The following FASTKD2 variants were observed in gnomAD, a reference collection of about 807,000 sequenced individuals.
FASTKD2 encodes the protein FAST kinase domains 2, also known as FAST kinase domain-containing protein 2, mitochondrial.
Under a neutral mutation model 63.6 loss-of-function variants are expected in FASTKD2, and 51 were observed. The ratio of observed to expected loss-of-function variants is 0.80; its 90% CI spans 0.64 to 1.01. The LOEUF is 1.01. Ranked by LOEUF, FASTKD2 falls within the 50% of genes least tolerant of loss-of-function variation. The pLI is 0.00. For synonymous variants in FASTKD2, 284 were observed against 293.4 expected (o/e 0.97, Z 0.33); for missense variants, 786 against 831.1 (o/e 0.95, Z 0.67).
At chr2:206,785,224 C>T (rs529721283) in intron 7 of FASTKD2, among the ~76,000 whole-genome samples, 3 of 152,234 alleles carry the variant, frequency 2.0e-5, no homozygotes, top group Admixed American at 2.0e-4. Flanking sequence ...GGGTCCCTCA[C>T]AACACAAGGG....
chr2:206,768,200 T>G (rs1689577228), intron 2 of FASTKD2, among the ~76,000 whole-genome samples: 1 of 152,218 alleles, frequency 6.6e-6, no homozygotes, highest in South Asian at 2.1e-4. Flanking sequence ...TGCTCAAATT[T>G]GTATTTTAGA....
In FASTKD2 at chr2:206,770,081, AT is replaced by A. The variant is rs758161404; in HGVS notation, c.778-7del. On this transcript the variant is annotated splice_polypyrimidine_tract_variant and intron_variant, in intron 2 of 11. Coordinates refer to ENST00000402774, the MANE Select transcript of FASTKD2 (RefSeq NM_001136193.2). ...TCACCTGTAGTGTTTTTGTAATTATATTTCAATAGGAACGTATCAATGAGTG... is the reference window on the plus strand; with the variant it reads ...TCACCTGTAGTGTTTTTGTAATTATATTCAATAGGAACGTATCAATGAGTG... 9.0e-6 allele frequency: 14 copies of A among 1,563,010 alleles called. No homozygotes were observed. Among genetic ancestry groups the A allele is most frequent in the Non-Finnish European group, 1.1e-5 (13 of 1,133,684 alleles).
rs1404373305 is a variant in FASTKD2, at chr2:206,794,547, A to G, written c.*2745A>G. On this transcript the variant is annotated 3_prime_UTR_variant, in exon 12 of 12. Coordinates refer to ENST00000402774, the MANE Select transcript of FASTKD2 (RefSeq NM_001136193.2). The stretch of plus-strand genomic sequence containing the variant: ...GGTACAGGCTACTGTGCCCAGCTCA[A>G]TTCTTGATTGAGACATTTACCAGCT... 6.6e-6 allele frequency among the ~76,000 whole-genome samples: 1 copy of G among 152,150 alleles called. No homozygotes were observed. Among genetic ancestry groups the G allele is most frequent in the East Asian group, 1.9e-4 (1 of 5,196 alleles).
At chr2:206,787,016 C>G in intron 8 of FASTKD2, 117 bp downstream of exon 8, 1 of 705,328 alleles carries the variant, frequency 1.4e-6, no homozygotes, top group East Asian at 2.6e-5. Context: ...ATTTGCAGAG[C>G]AGGTGTTGCT....
chr2:206,766,755 C>T lies in FASTKD2; in HGVS notation c.62C>T (p.Ala21Val), dbSNP rs549677418. The T allele has an allele frequency of 1.9e-5, 31 of 1,613,782 alleles. No homozygotes were observed. Among genetic ancestry groups the T allele is most frequent in the Middle Eastern group, 1.7e-4 (1 of 6,060 alleles). ...VSVESKMNNK[A>V]GSFFWNLRQF... is the part of the protein sequence containing the mutation. Reference sequence around the variant, plus strand: ...GTGGAGAGCAAAATGAATAACAAAGCGGGCTCCTTTTTCTGGAACCTTAGA... The same window carrying T: ...GTGGAGAGCAAAATGAATAACAAAGTGGGCTCCTTTTTCTGGAACCTTAGA... Residue 21 changes from alanine (A) to valine (V), a missense_variant, in exon 2 of 12, where the codon GCG becomes GTG. Ala to Val is a moderately conservative substitution (Grantham distance 64). Transcript: ENST00000402774.
rs370685987 is a variant in FASTKD2, at chr2:206,788,063, C to A, written c.1721C>A (p.Thr574Lys). 1 of 1,613,850 alleles carries A rather than the reference C, an allele frequency of 6.2e-7. No homozygotes were observed. The highest frequency in any genetic ancestry group is 8.5e-7 in the Non-Finnish European group (1 of 1,179,818). ...QLPRELPSSH[T>K]NAKVAEVLSS... ...CCGCGGGAGCTGCCATCGTCACATA[C>A]AAATGCAAAGGTGGCAGAGGTGCTG... Residue 574 changes from threonine (T) to lysine (K), a missense_variant, in exon 9 of 12, where the codon ACA (threonine) becomes AAA (lysine). Transcript: ENST00000402774.
chr2:206,777,326 AC>A (rs1283406932), intron 7 of FASTKD2, among the ~76,000 whole-genome samples: 1 of 152,008 alleles, frequency 6.6e-6, no homozygotes, highest in Non-Finnish European at 1.5e-5. Flanking sequence ...ATATGGTCTT[AC>A]TTACGGTGAG....
intron 8 of FASTKD2, among the ~76,000 whole-genome samples, chr2:206,787,536 A>G (rs1690167904): frequency 6.6e-6 from 1 of 152,218 alleles, no homozygotes; most frequent in African/African-American, 2.4e-5. Flanking sequence ...GTAGAGAGTC[A>G]GTCAATAATA....
At position 206,774,209 on chromosome 2, in the gene FASTKD2, A is replaced by G. The variant is rs757982614; in HGVS notation, c.1255-16A>G. 4 of 1,584,972 alleles carry G rather than the reference A, an allele frequency of 2.5e-6. No homozygotes were observed. The highest frequency in any genetic ancestry group is 1.3e-5 in the African/African-American group (1 of 74,422). ...GTAATTATTATAGAGTTTTCCCTCA[A>G]TTTTCTCTTTTTAAGGTTCTTTTTA... is the stretch of plus-strand genomic sequence containing the variant. On this transcript the variant is annotated splice_polypyrimidine_tract_variant and intron_variant, in intron 6 of 11. Transcript: ENST00000402774.
At chr2:206,775,910 T>TG (rs1337902214) in intron 7 of FASTKD2, among the ~76,000 whole-genome samples, 2 of 151,954 alleles carry the variant, frequency 1.3e-5, no homozygotes, top group Non-Finnish European at 2.9e-5. Context: ...TGTTTTGTTT[T>TG]TTTGATAATG....
intron 7 of FASTKD2, among the ~76,000 whole-genome samples, chr2:206,781,298 TC>T (rs1689965769): frequency 6.9e-6 from 1 of 145,454 alleles, no homozygotes; most frequent in East Asian, 2.1e-4. Context: ...TTAAACTTTT[TC>T]TATGATTTTT....
At chr2:206,788,208 T>C in intron 9 of FASTKD2, 53 bp downstream of exon 9, 1 of 1,319,966 alleles carries the variant, frequency 7.6e-7, no homozygotes. Flanking sequence ...TTTTCCTTTT[T>C]TTCTGACCAA....
At chr2:206,790,172 G>A (rs546853325) in intron 10 of FASTKD2, 102 of 159,546 alleles carry the variant, frequency 6.4e-4, no homozygotes, top group African/African-American at 2.4e-3. Context: ...TCTGGGAGAT[G>A]ATATGTGTAA....
chr2:206,785,997 A>G (rs554903306), intron 7 of FASTKD2, among the ~76,000 whole-genome samples: 148 of 152,114 alleles, frequency 9.7e-4, no homozygotes, highest in Admixed American at 3.2e-3. Flanking sequence ...CACTTATTCA[A>G]ATTCTCCTCC....
At chr2:206,768,577 G>T (rs1359285416) in intron 2 of FASTKD2, among the ~76,000 whole-genome samples, 1 of 152,146 alleles carries the variant, frequency 6.6e-6, no homozygotes, top group Non-Finnish European at 1.5e-5. Flanking sequence ...GTACTTGCCT[G>T]TGGTCCCAGC....
Position 206,774,406 on chromosome 2 carries a change from T to C in FASTKD2, c.1427+9T>C. On this transcript the variant is annotated intron_variant, in intron 7 of 11. Transcript: ENST00000402774. ...AAATGCCAGAACAAAGAGTATGTAC[T>C]TGTTTTTTTTTACCTTTTTTATTGC... is the stretch of plus-strand genomic sequence containing the variant. The C allele has an allele frequency of 5.8e-6, 9 of 1,565,148 alleles. No individual in the cohort carries two copies. Among genetic ancestry groups the C allele is most frequent in the Non-Finnish European group, 7.9e-6 (9 of 1,140,594 alleles).
chr2:206,771,450 T>C lies in FASTKD2; in HGVS notation c.990+160T>C, dbSNP rs556911533. On this transcript the variant is annotated intron_variant, in intron 4 of 11. Coordinates refer to ENST00000402774, the MANE Select transcript of FASTKD2 (RefSeq NM_001136193.2). Reference sequence around the variant, plus strand: ...AGAAGTACCCTTATATTTATTTATCTGTATATATATACATGTATATTTATT... The same window carrying C: ...AGAAGTACCCTTATATTTATTTATCCGTATATATATACATGTATATTTATT... Among the ~76,000 whole-genome samples, 73 of 152,196 alleles carry C rather than the reference T, an allele frequency of 4.8e-4. 1 individual carries two copies. The South Asian group carries it at 0.015, about 31-fold the overall frequency.
Position 206,793,164 on chromosome 2 carries a change from G to A in FASTKD2, c.*1362G>A, listed in dbSNP as rs1205015142. ...TTGAACCCGGGAGGTGGAGATTGCAGTGAGCCAAGATGGTCCTGCTGCACT... is the reference window on the plus strand; with the variant it reads ...TTGAACCCGGGAGGTGGAGATTGCAATGAGCCAAGATGGTCCTGCTGCACT... On this transcript the variant is annotated 3_prime_UTR_variant, in exon 12 of 12. Coordinates refer to ENST00000402774, the MANE Select transcript of FASTKD2 (RefSeq NM_001136193.2). Among the ~76,000 whole-genome samples, 1 of 135,858 alleles carries A rather than the reference G, an allele frequency of 7.4e-6. No individual in the cohort carries two copies. Among genetic ancestry groups the A allele is most frequent in the Admixed American group, 8.4e-5 (1 of 11,964 alleles). 89.1% of individuals were successfully genotyped at this position (135,858 alleles called of 152,430 possible).
At chr2:206,774,020 T>C (rs1438557645) in intron 6 of FASTKD2, among the ~76,000 whole-genome samples, 1 of 152,148 alleles carries the variant, frequency 6.6e-6, no homozygotes, top group Non-Finnish European at 1.5e-5. Flanking sequence ...AGATTGCTTA[T>C]TAACTTGATA....
Sources: gnomAD v4.1 joint callset for allele counts (sites outside exome capture counted in the v4.1 genomes callset) on GRCh38, gnomAD v4.1.1 for gene constraint, MANE v1.5 for transcripts, NCBI Gene and HGNC (gene_info 2026-07-23, HGNC 2026-07-21) for gene names.